Variants in SRL observed in about 807,000 individuals in gnomAD.
SRL encodes sarcalumenin.
Under a neutral mutation model 39.5 loss-of-function variants are expected in SRL, and 23 were observed. The observed-to-expected ratio is 0.58, with a 90% confidence interval of 0.42 to 0.82. SRL has a LOEUF of 0.82. Among genes scored for constraint, SRL ranks in the 40% least tolerant of loss-of-function variants. The pLI, the probability that SRL is intolerant of heterozygous loss-of-function variation, is 0.00. For missense variants in SRL, 592 were observed against 607.8 expected, an observed-to-expected ratio of 0.97 and a Z score of 0.27; for synonymous variants, 272 against 237.4, an observed-to-expected ratio of 1.15 and a Z score of -1.34.
chr16:4,225,153 G>C (rs921130647), intron 1 of SRL, among the ~76,000 whole-genome samples: 13 of 123,724 alleles, frequency 1.1e-4, no homozygotes, highest in African/African-American at 3.5e-4. Flanking sequence ...TCTTTTTGAG[G>C]TGATAAAAAA....
At chr16:4,210,309 A>C (rs1656034351) in intron 1 of SRL, among the ~76,000 whole-genome samples, 1 of 152,108 alleles carries the variant, frequency 6.6e-6, no homozygotes, top group Non-Finnish European at 1.5e-5. Flanking sequence ...ATCAGAAGAG[A>C]CTGAATGTCC....
chr16:4,221,970 A>T (rs1457318458), intron 1 of SRL, among the ~76,000 whole-genome samples: 1 of 152,086 alleles, frequency 6.6e-6, no homozygotes, highest in African/African-American at 2.4e-5. Flanking sequence ...CTCCAGCATG[A>T]CCTCATCTTA....
At chr16:4,228,540 C>T (rs567454222) in intron 1 of SRL, among the ~76,000 whole-genome samples, 1 of 152,044 alleles carries the variant, frequency 6.6e-6, no homozygotes, top group East Asian at 1.9e-4. Flanking sequence ...TCGAGACCAT[C>T]CTGGCTAACA....
At chr16:4,218,078 G>C (rs747948733) in intron 1 of SRL, among the ~76,000 whole-genome samples, 1 of 152,138 alleles carries the variant, frequency 6.6e-6, no homozygotes, top group Admixed American at 6.5e-5. Context: ...CCAGGAGCTC[G>C]TTCTGCTGAT....
At position 4,190,850 on chromosome 16, in the gene SRL, G is replaced by T. The variant is rs925308134; in HGVS notation, c.*1303C>A. ...ATCAGGGAATGGAGAAGAAAGGAAA[G>T]GAAAAGCCATGGTGTGGAAACTGCA... On this transcript the variant is annotated 3_prime_UTR_variant, in exon 6 of 6. Transcript: ENST00000399609. 5.7e-6 allele frequency: 1 copy of T among 175,858 alleles called. No homozygotes were observed. The highest frequency in any genetic ancestry group is 6.3e-5 in the Admixed American group (1 of 15,862). 10.9% of individuals were successfully genotyped at this position (175,858 alleles called of 1,614,324 possible).
intron 2 of SRL, among the ~76,000 whole-genome samples, chr16:4,204,186 A>G (rs1346640099): frequency 6.6e-6 from 1 of 152,208 alleles, no homozygotes; most frequent in Non-Finnish European, 1.5e-5. Flanking sequence ...GCACACATGA[A>G]ACGGCTTTAT....
At chr16:4,194,915 GAC>G (rs1343043233) in intron 5 of SRL, among the ~76,000 whole-genome samples, 2 of 150,518 alleles carry the variant, frequency 1.3e-5, no homozygotes, top group Non-Finnish European at 3.0e-5. Flanking sequence ...TTTTTTCTGA[GAC>G]AGAGTCTTGC....
intron 1 of SRL, among the ~76,000 whole-genome samples, chr16:4,226,087 A>T (rs1046284423): frequency 2.0e-5 from 3 of 152,056 alleles, no homozygotes; most frequent in African/African-American, 7.2e-5. Context: ...CTCCAATGTC[A>T]CCAGCTCCAT....
rs2052424287 is a variant in SRL, at chr16:4,213,883, A to G, written c.62-9249T>C. On this transcript the variant is annotated intron_variant, in intron 1 of 5. Transcript: ENST00000399609. ...TGTTAACCTCTCTTGAAATGAGGAA[A>G]CAAACACACGGAAGTCAAGTCGTTT... is the stretch of plus-strand genomic sequence containing the variant. Among the ~76,000 whole-genome samples, 3 of 152,320 alleles carry G rather than the reference A, an allele frequency of 2.0e-5. No homozygotes were observed. In the South Asian group the frequency reaches 6.2e-4, roughly 32 times the overall value.
chr16:4,242,004 TA>T lies in SRL; in HGVS notation c.61+2del. On this transcript the variant is annotated splice_donor_variant, in intron 1 of 5. Coordinates refer to ENST00000399609, the MANE Select transcript of SRL (RefSeq NM_001098814.2). LOFTEE classifies it high-confidence loss of function. ...GGCTGGGTCATGCTGGGAGGGGCCC[TA>T]CCTGCTTGTCCTGAGAACAGGAGCG... 1 of 1,613,746 alleles carries T rather than the reference TA, an allele frequency of 6.2e-7. No individual in the cohort carries two copies. The highest frequency in any genetic ancestry group is 1.1e-5 in the South Asian group (1 of 91,020).
intron 1 of SRL, among the ~76,000 whole-genome samples, chr16:4,233,843 C>T (rs2052685065): frequency 6.6e-6 from 1 of 151,998 alleles, no homozygotes; most frequent in African/African-American, 2.4e-5. Flanking sequence ...CTATTTGATC[C>T]TTTTGTGCCT....
chr16:4,227,253 G>A (rs1316214693), intron 1 of SRL, among the ~76,000 whole-genome samples: 2 of 150,926 alleles, frequency 1.3e-5, no homozygotes, highest in African/African-American at 4.9e-5. Flanking sequence ...TGGATGAAGG[G>A]ATGGGTGGAT....
At chr16:4,202,770 A>G (rs1413176229) in intron 3 of SRL, among the ~76,000 whole-genome samples, 9 of 152,146 alleles carry the variant, frequency 5.9e-5, no homozygotes, top group Non-Finnish European at 1.2e-4. Flanking sequence ...AGGGGAAGGA[A>G]CGGAGTGATC....
intron 1 of SRL, chr16:4,206,820 G>T: frequency 2.2e-6 from 1 of 456,696 alleles, no homozygotes; most frequent in Non-Finnish European, 4.4e-6. Context: ...CATGGACTCT[G>T]TATTCAATTC....
intron 1 of SRL, among the ~76,000 whole-genome samples, chr16:4,209,462 G>A (rs1033824893): frequency 1.3e-5 from 2 of 152,018 alleles, no homozygotes; most frequent in African/African-American, 4.8e-5. Context: ...CCGAGGAAGA[G>A]TACCCCACCT....
intron 5 of SRL, among the ~76,000 whole-genome samples, chr16:4,195,057 C>A (rs1036372665): frequency 1.3e-5 from 2 of 151,698 alleles, no homozygotes; most frequent in African/African-American, 4.8e-5. Flanking sequence ...ACCATGCCAA[C>A]CTAATTTTTA....
Position 4,192,985 on chromosome 16 carries a change from A to T in SRL, c.611-21T>A, listed in dbSNP as rs1166615079. 6.3e-7 allele frequency: 1 copy of T among 1,592,608 alleles called. No individual in the cohort carries two copies. Among genetic ancestry groups the T allele is most frequent in the Non-Finnish European group, 8.5e-7 (1 of 1,170,542 alleles). The stretch of plus-strand genomic sequence containing the variant: ...GTAGCCTTTGGGAGACAGAAGTGAG[A>T]AGTCAAACTGAGTAGGCCTCCCTCA... On this transcript the variant is annotated intron_variant, in intron 5 of 5. Transcript: ENST00000399609. The surrounding 1 kb of genome is among the most constrained non-coding windows in gnomAD (Gnocchi z 4.0).
intron 1 of SRL, among the ~76,000 whole-genome samples, chr16:4,236,351 G>A (rs2052714016): frequency 6.6e-6 from 1 of 151,940 alleles, no homozygotes; most frequent in Admixed American, 6.6e-5. Context: ...AGAAGACCTG[G>A]GCTTGCAGGT....
At chr16:4,206,910 TC>T (rs2052326551) in intron 1 of SRL, 1 of 456,352 alleles carries the variant, frequency 2.2e-6, no homozygotes, top group South Asian at 1.5e-5. Flanking sequence ...TTCCTGGGGT[TC>T]CCTGGCTTCC....
Sources: gnomAD v4.1 joint callset for allele counts (sites outside exome capture counted in the v4.1 genomes callset) on GRCh38, gnomAD v4.1.1 for gene constraint, Gnocchi (gnomAD v3.1) non-coding constraint, MANE v1.5 for transcripts, NCBI Gene and HGNC (gene_info 2026-07-23, HGNC 2026-07-21) for gene names.